SH3KBP1: variants seen among roughly 807,000 people sequenced by gnomAD.
The protein encoded by SH3KBP1 is SH3 domain containing kinase binding protein 1.
SH3KBP1 carries 8 observed loss-of-function variants against 50.1 expected under a neutral mutation model. The observed-to-expected ratio is 0.16, with a 90% CI of 0.09 to 0.29. The LOEUF (loss-of-function observed/expected upper bound fraction) is 0.29, where lower values mean the gene tolerates loss of function less well. Among genes scored for constraint, SH3KBP1 ranks in the 10% least tolerant of loss-of-function variants. SH3KBP1 has a pLI of 1.00. For synonymous variants in SH3KBP1, 227 were observed against 218.6 expected, an observed-to-expected ratio of 1.04 and a Z score of -0.34; for missense variants, 377 against 535.2, an observed-to-expected ratio of 0.70 and a Z score of 2.92.
At chrX:19,761,538 C>T (rs1443855121) in intron 2 of SH3KBP1, among the ~76,000 whole-genome samples, 2 of 111,779 alleles carry the variant, frequency 1.8e-5, no homozygotes, top group Non-Finnish European at 3.8e-5. Flanking sequence ...TAAAGCAAAA[C>T]CTGAGATATG....
intron 8 of SH3KBP1, among the ~76,000 whole-genome samples, chrX:19,627,701 G>C (rs954029679): frequency 6.2e-5 from 7 of 112,093 alleles, no homozygotes; most frequent in African/African-American, 2.3e-4. Context: ...AAAGGTGTCT[G>C]ACTCATTTTC....
chrX:19,719,896 AAT>A (rs2064011279), intron 3 of SH3KBP1, among the ~76,000 whole-genome samples: 4 of 107,218 alleles, frequency 3.7e-5, no homozygotes, highest in Admixed American at 2.0e-4. Flanking sequence ...TAATAATAAT[AAT>A]AGAGAACCCT....
At chrX:19,839,275 T>G (rs1279257148) in intron 1 of SH3KBP1, among the ~76,000 whole-genome samples, 1 of 108,528 alleles carries the variant, frequency 9.2e-6, no homozygotes, top group African/African-American at 3.4e-5. Flanking sequence ...GATCTTCAAT[T>G]AGTACAGGAA....
chrX:19,820,316 C>T (rs1352850284), intron 2 of SH3KBP1, among the ~76,000 whole-genome samples: 1 of 111,704 alleles, frequency 9.0e-6, no homozygotes. Flanking sequence ...GCTAAGTTGC[C>T]AACTATAACT....
intron 13 of SH3KBP1, among the ~76,000 whole-genome samples, chrX:19,559,752 A>G (rs150354449): frequency 0.013 from 1,433 of 111,496 alleles, 25 homozygotes; most frequent in African/African-American, 0.045. Flanking sequence ...TCTACCACCA[A>G]ACAACTTAGT....
intron 6 of SH3KBP1, among the ~76,000 whole-genome samples, chrX:19,665,305 G>A (rs1484050121): frequency 8.9e-6 from 1 of 112,085 alleles, no homozygotes; most frequent in Admixed American, 9.4e-5. Context: ...ACTTCTGAGT[G>A]ATACAGACCT....
chrX:19,621,647 A>G (rs1487900830), intron 8 of SH3KBP1, among the ~76,000 whole-genome samples: 2 of 112,235 alleles, frequency 1.8e-5, no homozygotes, highest in African/African-American at 3.2e-5. Flanking sequence ...AAATTATATG[A>G]CATTCAAATC....
intron 8 of SH3KBP1, among the ~76,000 whole-genome samples, chrX:19,617,566 G>C (rs2067655151): frequency 8.9e-6 from 1 of 112,666 alleles, no homozygotes; most frequent in African/African-American, 3.2e-5. Context: ...CCAGTCATAT[G>C]TTCCTTTCTC....
chrX:19,538,512 C>A (rs2064785724), intron 16 of SH3KBP1, among the ~76,000 whole-genome samples: 1 of 110,332 alleles, frequency 9.1e-6, no homozygotes, highest in South Asian at 3.8e-4. Flanking sequence ...CCTGGCTCTT[C>A]TTGTAATTTT....
chrX:19,683,363 C>A (rs2063100835), intron 6 of SH3KBP1: 2 of 366,867 alleles, frequency 5.5e-6, no homozygotes, highest in Non-Finnish European at 1.1e-5. Context: ...CTGAAATTAT[C>A]TCCAACTAAC....
chrX:19,724,943 T>C (rs1301387382), intron 3 of SH3KBP1, among the ~76,000 whole-genome samples: 3 of 111,403 alleles, frequency 2.7e-5, no homozygotes, highest in African/African-American at 9.8e-5. Flanking sequence ...CTGGGGATTG[T>C]TTGATTCTCA....
At chrX:19,682,104 T>C (rs968230661) in intron 6 of SH3KBP1, among the ~76,000 whole-genome samples, 4 of 110,370 alleles carry the variant, frequency 3.6e-5, no homozygotes, top group Middle Eastern at 4.7e-3. Context: ...GTAGAGCAGT[T>C]GGAGGAGGAC....
intron 8 of SH3KBP1, among the ~76,000 whole-genome samples, chrX:19,611,338 T>A (rs1345719263): frequency 9.0e-6 from 1 of 111,485 alleles, no homozygotes; most frequent in African/African-American, 3.3e-5. Context: ...TTTTTTGTGG[T>A]TTTTTTGTTT....
At chrX:19,876,285 C>T (rs1399648002) in intron 1 of SH3KBP1, among the ~76,000 whole-genome samples, 1 of 111,806 alleles carries the variant, frequency 8.9e-6, no homozygotes, top group Non-Finnish European at 1.9e-5. Context: ...CGCTTGAACC[C>T]GGGAGACACA....
intron 6 of SH3KBP1, among the ~76,000 whole-genome samples, chrX:19,668,298 G>C (rs1024122579): frequency 1.9e-5 from 2 of 104,825 alleles, no homozygotes; most frequent in African/African-American, 3.5e-5. Flanking sequence ...ACTGAGGTCA[G>C]GAGTTCGAGA....
chrX:19,762,267 A>G (rs2065457107), intron 2 of SH3KBP1, among the ~76,000 whole-genome samples: 1 of 112,073 alleles, frequency 8.9e-6, no homozygotes, highest in African/African-American at 3.2e-5. Flanking sequence ...CCTGGGGACC[A>G]GTATGCCTTT....
intron 1 of SH3KBP1, among the ~76,000 whole-genome samples, chrX:19,862,276 T>C (rs1203266051): frequency 8.9e-6 from 1 of 112,283 alleles, no homozygotes; most frequent in African/African-American, 3.2e-5. Context: ...TGTTGGCTAT[T>C]GTTTCTGTTG....
intron 7 of SH3KBP1, among the ~76,000 whole-genome samples, chrX:19,633,262 T>C (rs1237440641): frequency 9.0e-6 from 1 of 111,633 alleles, no homozygotes; most frequent in African/African-American, 3.3e-5. Context: ...TTACAATAGC[T>C]TGAAAATATT....
chrX:19,755,641 G>A (rs7050548), intron 2 of SH3KBP1, among the ~76,000 whole-genome samples: 10 of 110,248 alleles, frequency 9.1e-5, no homozygotes, highest in Admixed American at 1.9e-4. Flanking sequence ...GAGACAGAAC[G>A]TCTCATATTG....
Sources: gnomAD v4.1 joint callset for allele counts (sites outside exome capture counted in the v4.1 genomes callset) on GRCh38, gnomAD v4.1.1 for gene constraint, MANE v1.5 for transcripts, NCBI Gene and HGNC (gene_info 2026-07-23, HGNC 2026-07-21) for gene names.